RTEL1: variants seen among roughly 807,000 people sequenced by gnomAD.
RTEL1 encodes the protein regulator of telomere elongation helicase 1, also known as regulator of telomere length.
Under a neutral mutation model 162.2 loss-of-function variants are expected in RTEL1, and 86 were observed. The ratio of observed to expected loss-of-function variants is 0.53; its 90% CI spans 0.45 to 0.63. The LOEUF (loss-of-function observed/expected upper bound fraction) is 0.63. Among genes scored for constraint, RTEL1 ranks in the 30% least tolerant of loss-of-function variants. The probability of loss-of-function intolerance (pLI) is 0.00; values close to 1 mark genes in which losing one functional copy is unlikely to be tolerated. For synonymous variants in RTEL1, 958 were observed against 717.9 expected (o/e 1.33, Z -5.35); for missense variants, 1,941 against 1,750.2 (o/e 1.11, Z -1.95).
rs1469663119 is a variant in RTEL1 at position 63,689,583 on chromosome 20, C to A, written c.1960C>A (p.Pro654Thr). 1.9e-6 allele frequency: 3 copies of A among 1,612,220 alleles called. No homozygotes were observed. Among genetic ancestry groups the A allele is most frequent in the South Asian group, 1.1e-5 (1 of 91,046 alleles). The change falls in exon 23 of 35, where the codon CCC becomes ACC. Residue 654 changes from proline to threonine, a missense_variant. Pro to Thr is a conservative substitution (Grantham distance 38, BLOSUM62 -1). Coordinates refer to ENST00000360203, the MANE Select transcript of RTEL1 (RefSeq NM_001283009.2). ...CCTCCCGTACCCCCCACGCATGGACCCCCGGGTTGTCCTCAAGATGCAGTT... is the reference window on the plus strand; with the variant it reads ...CCTCCCGTACCCCCCACGCATGGACACCCGGGTTGTCCTCAAGATGCAGTT... The part of the protein sequence containing the change: ...TGLPYPPRMD[P>T]RVVLKMQFLD...
intron 5 of RTEL1, 77 bp downstream of exon 5, chr20:63,662,704 C>T: frequency 1.2e-6 from 2 of 1,604,660 alleles, no homozygotes. Flanking sequence ...CCAGGCTGCG[C>T]TCCCGCTGGG....
In RTEL1 at chr20:63,674,046, A is replaced by T. The variant is rs1569090869; in HGVS notation, c.872A>T (p.Gln291Leu). The stretch of plus-strand genomic sequence containing the variant: ...CTGGAGGAGCAGACCAAGGCAGCGC[A>T]GCAGGGTGAGCCCCACCCGGAGTTC... Reference protein sequence around the residue: ...QVLEEQTKAAQQGEPHPEFSA... With the variant: ...QVLEEQTKAALQGEPHPEFSA... Residue 291 changes from glutamine to leucine, a missense_variant, in exon 10 of 35, where the codon CAG becomes CTG. By Grantham distance (113) the Gln-to-Leu change is moderately radical (BLOSUM62 -2). Transcript: ENST00000360203. 1 of 1,611,588 alleles carries T rather than the reference A, an allele frequency of 6.2e-7. No homozygotes were observed. Among genetic ancestry groups the T allele is most frequent in the African/African-American group, 1.4e-5 (1 of 72,754 alleles).
At chr20:63,673,198 C>T (rs2090280684) in intron 9 of RTEL1, among the ~76,000 whole-genome samples, 1 of 151,970 alleles carries the variant, frequency 6.6e-6, no homozygotes, top group Non-Finnish European at 1.5e-5. Flanking sequence ...TCAAGACCAT[C>T]CTGGCCAACA....
At chr20:63,687,522 C>A in intron 16 of RTEL1, 116 bp from the exon 17 acceptor site, 1 of 1,213,136 alleles carries the variant, frequency 8.2e-7, no homozygotes. Flanking sequence ...GGTGGCTGCC[C>A]GCGGCTCGCT....
At chr20:63,690,007 C>T in intron 24 of RTEL1, 80 bp from the exon 25 acceptor site, 1 of 1,571,790 alleles carries the variant, frequency 6.4e-7, no homozygotes, top group South Asian at 1.1e-5. Flanking sequence ...GCCCCTGCAG[C>T]AGATGAGGGT....
rs564198378 is a variant in RTEL1, at chr20:63,695,458, C to T, written c.3630C>T (p.His1210=). 6.0e-5 allele frequency: 96 copies of T among 1,592,080 alleles called. No homozygotes were observed. The East Asian group carries it at 1.2e-3, about 20-fold the overall frequency. Residue 1210 remains histidine (H), a synonymous_variant, in exon 34 of 35, where the codon CAC becomes CAT. Transcript: ENST00000360203. ...AGPSQSSGPP[H]GPAASEWGEP... ...CCAGCCAGTCCTCAGGACCTCCCCA[C>T]GGGCCTGCAGCATCTGAGTGGGGTG...
In RTEL1 at chr20:63,678,291, G is replaced by T. The variant is rs2090398732; in HGVS notation, c.982G>T (p.Ala328Ser). The change falls in exon 12 of 35, where the codon GCC (alanine) becomes TCC (serine). Residue 328 changes from alanine (A) to serine (S), a missense_variant. Transcript: ENST00000360203. ...AGTGATCCTGCTGCGCCTGGAGGGGGCCATCGATGCTGTTGAGCTGCCTGG... is the reference window on the plus strand; with the variant it reads ...AGTGATCCTGCTGCGCCTGGAGGGGTCCATCGATGCTGTTGAGCTGCCTGG... ...LKMILLRLEG[A>S]IDAVELPGDD... 6.2e-7 allele frequency: 1 copy of T among 1,612,594 alleles called. No individual in the cohort carries two copies. The highest frequency in any genetic ancestry group is 8.5e-7 in the Non-Finnish European group (1 of 1,179,290).
At chr20:63,662,064 C>G in intron 4 of RTEL1, 121 bp downstream of exon 4, 1 of 816,536 alleles carries the variant, frequency 1.2e-6, no homozygotes, top group Non-Finnish European at 2.0e-6. Flanking sequence ...AGACGCTCCC[C>G]CGAAGTGTGC....
intron 12 of RTEL1, among the ~76,000 whole-genome samples, chr20:63,678,819 GCA>G (rs1403986953): frequency 8.0e-6 from 1 of 124,334 alleles, no homozygotes; most frequent in Non-Finnish European, 1.6e-5. Flanking sequence ...CCACGGAACA[GCA>G]CACACACCCA....
At position 63,688,393 on chromosome 20, in the gene RTEL1, C is replaced by T. The variant is rs1291638268; in HGVS notation, c.1722+7C>T. ...GAGCCTGGAGTTCTGGCGGGTGCGT[C>T]TCCCCTGTGTTCTGGGCGGGGTGGG... On this transcript the variant is annotated splice_region_variant and intron_variant, in intron 20 of 34. Coordinates refer to ENST00000360203, the MANE Select transcript of RTEL1 (RefSeq NM_001283009.2). 9 of 1,612,280 alleles carry T rather than the reference C, an allele frequency of 5.6e-6. No homozygotes were observed. The highest frequency in any genetic ancestry group is 2.2e-5 in the East Asian group (1 of 44,876).
In RTEL1 at chr20:63,693,207, A is replaced by G. The variant is rs2090805293; in HGVS notation, c.2916A>G (p.Thr972=). Residue 972 remains threonine (T), a synonymous_variant, in exon 30 of 35, where the codon ACA becomes ACG. Coordinates refer to ENST00000360203, the MANE Select transcript of RTEL1 (RefSeq NM_001283009.2). The part of the protein sequence containing the change: ...QQFEEVCIQL[T]GRGCGYRPEH... ...TTGAGGAGGTCTGTATCCAGCTGACAGGACGAGGCTGTGGCTATCGGCCTG... is the reference window on the plus strand; with the variant it reads ...TTGAGGAGGTCTGTATCCAGCTGACGGGACGAGGCTGTGGCTATCGGCCTG... 4 of 1,612,136 alleles carry G rather than the reference A, an allele frequency of 2.5e-6. No individual in the cohort carries two copies. The highest frequency in any genetic ancestry group is 4.5e-5 in the East Asian group (2 of 44,888).
At chr20:63,680,011 T>C in intron 13 of RTEL1, 65 bp downstream of exon 13, 1 of 1,181,668 alleles carries the variant, frequency 8.5e-7, no homozygotes, top group East Asian at 2.5e-5. Context: ...CAGGCCTCCA[T>C]CTTGGCAGTC....
At position 63,661,859 on chromosome 20, in the gene RTEL1, C is replaced by T. The variant is rs367809459; in HGVS notation, c.311C>T (p.Thr104Met). The change falls in exon 4 of 35, where the codon ACG becomes ATG. Residue 104 changes from threonine (T) to methionine (M), a missense_variant. Thr to Met is a moderately conservative substitution (Grantham distance 81). Transcript: ENST00000360203. This position sits in a 1 kb window ranked among gnomAD's most constrained non-coding sequence, Gnocchi z 5.1. ...GCTTGTGTCTGGTCAGCTTGCTACA[C>T]GGACATCCCAAAGATTATTTACGCC... ...AAAGDPIACY[T>M]DIPKIIYASR... 3.7e-6 allele frequency: 6 copies of T among 1,613,986 alleles called. No individual in the cohort carries two copies. Among genetic ancestry groups the T allele is most frequent in the South Asian group, 1.1e-5 (1 of 91,072 alleles).
chr20:63,681,648 C>T lies in RTEL1; in HGVS notation c.1191+929C>T, dbSNP rs1167119922. On this transcript the variant is annotated intron_variant, in intron 14 of 34. Transcript: ENST00000360203. The stretch of plus-strand genomic sequence containing the variant: ...CTGCAGATCCCGGAACAAGCAGGCA[C>T]TGCCTTCTCCTTCACAGACGCAGCT... 3.0e-6 allele frequency: 3 copies of T among 985,146 alleles called. No homozygotes were observed. The African/African-American group carries it at 5.2e-5, about 17-fold the overall frequency. The allele number at this position is 985,146 out of a possible 1,614,324, so 61.0% of individuals were successfully genotyped here.
chr20:63,684,792 G>A (rs2090554507), intron 14 of RTEL1, among the ~76,000 whole-genome samples: 1 of 152,012 alleles, frequency 6.6e-6, no homozygotes, highest in Non-Finnish European at 1.5e-5. Flanking sequence ...TTTGAAACCT[G>A]CCCTGACGTT....
At position 63,662,638 on chromosome 20, in the gene RTEL1, G is replaced by T; in HGVS notation, c.477+11G>T. 1 of 1,613,820 alleles carries T rather than the reference G, an allele frequency of 6.2e-7. No individual in the cohort carries two copies. On this transcript the variant is annotated intron_variant, in intron 5 of 34. Coordinates refer to ENST00000360203, the MANE Select transcript of RTEL1 (RefSeq NM_001283009.2). ...AGTAACCATCTACAGGTAGGCTCCTGGGCTCCCGCTCCGGCTCAGTGTCCG... is the reference window on the plus strand; with the variant it reads ...AGTAACCATCTACAGGTAGGCTCCTTGGCTCCCGCTCCGGCTCAGTGTCCG...
At chr20:63,666,494 T>C (rs1234042938) in intron 7 of RTEL1, among the ~76,000 whole-genome samples, 23 of 152,194 alleles carry the variant, frequency 1.5e-4, no homozygotes, top group Admixed American at 1.5e-3. Context: ...GCTTCAGAGA[T>C]TCAAGTTATA....
At chr20:63,687,249 T>C (rs2090616380) in intron 16 of RTEL1, 1 of 200,268 alleles carries the variant, frequency 5.0e-6, no homozygotes, top group Non-Finnish European at 1.0e-5. Context: ...CCCCGTCTTC[T>C]GCACGCGGCC....
chr20:63,687,559 T>G (rs1012648458), intron 16 of RTEL1, 79 bp from the exon 17 acceptor site: 28 of 1,429,988 alleles, frequency 2.0e-5, no homozygotes, highest in East Asian at 1.7e-4. Flanking sequence ...GTGGAGAGGG[T>G]GATGGGCAGA....
Sources: gnomAD v4.1 joint callset for allele counts (sites outside exome capture counted in the v4.1 genomes callset) on GRCh38, gnomAD v4.1.1 for gene constraint, Gnocchi (gnomAD v3.1) non-coding constraint, MANE v1.5 for transcripts, NCBI Gene and HGNC (gene_info 2026-07-23, HGNC 2026-07-21) for gene names.